Variants in GABRB2 observed in about 807,000 individuals in gnomAD.
GABRB2 encodes the protein gamma-aminobutyric acid type A receptor subunit beta2, also known as gamma-aminobutyric acid receptor subunit beta-2.
Under a neutral mutation model 54.7 loss-of-function variants are expected in GABRB2, and 16 were observed. The observed-to-expected ratio is 0.29, with a 90% CI of 0.20 to 0.44. The LOEUF (loss-of-function observed/expected upper bound fraction) is 0.44, where lower values mean the gene tolerates loss of function less well. Among genes scored for constraint, GABRB2 ranks in the 20% least tolerant of loss-of-function variants. GABRB2 has a pLI of 1.00. For synonymous variants in GABRB2, 244 were observed against 233.8 expected, an observed-to-expected ratio of 1.04 and a Z score of -0.40; for missense variants, 355 against 644.0, an observed-to-expected ratio of 0.55 and a Z score of 4.86.
At chr5:161,436,429 A>T (rs1757309672) in intron 4 of GABRB2, among the ~76,000 whole-genome samples, 1 of 151,594 alleles carries the variant, frequency 6.6e-6, no homozygotes. Flanking sequence ...GCTACTAGGG[A>T]GGCTGAGGCA....
At chr5:161,321,884 G>A (rs1758221536) in intron 9 of GABRB2, among the ~76,000 whole-genome samples, 1 of 152,040 alleles carries the variant, frequency 6.6e-6, no homozygotes, top group African/African-American at 2.4e-5. Context: ...ATACATACCT[G>A]TAAATAAATT....
intron 5 of GABRB2, among the ~76,000 whole-genome samples, chr5:161,340,105 C>T (rs573242960): frequency 1.3e-5 from 2 of 152,082 alleles, no homozygotes; most frequent in African/African-American, 4.8e-5. Context: ...TCAGTATTTA[C>T]CTTCTTTTAT....
At position 161,461,635 on chromosome 5, in the gene GABRB2, C is replaced by T. The variant is rs191201801; in HGVS notation, c.238-1791G>A. ...TATGGGTACAATGTAATTGCTCTCT[C>T]ACCCTCATCTGAATGACTAAGTGAA... On this transcript the variant is annotated intron_variant, in intron 3 of 9. Transcript: ENST00000393959. 9.0e-4 allele frequency among the ~76,000 whole-genome samples: 137 copies of T among 152,278 alleles called. 1 individual carries two copies. The highest frequency in any genetic ancestry group is 3.2e-3 in the African/African-American group (134 of 41,560).
intron 4 of GABRB2, among the ~76,000 whole-genome samples, chr5:161,454,360 T>C (rs905381114): frequency 2.0e-5 from 3 of 152,156 alleles, no homozygotes; most frequent in African/African-American, 7.2e-5. Context: ...CAAGTTTGCA[T>C]CCTCAACACT....
At chr5:161,517,492 A>C (rs556115713) in intron 3 of GABRB2, among the ~76,000 whole-genome samples, 2 of 152,330 alleles carry the variant, frequency 1.3e-5, no homozygotes, top group Admixed American at 1.3e-4. Flanking sequence ...AAGTCAATTG[A>C]GGAAATATAT....
chr5:161,498,449 T>C (rs1759324365), intron 3 of GABRB2, among the ~76,000 whole-genome samples: 1 of 152,156 alleles, frequency 6.6e-6, no homozygotes. Context: ...GTATTTTGGT[T>C]GAACAGCTGT....
intron 9 of GABRB2, among the ~76,000 whole-genome samples, chr5:161,324,848 T>C (rs1409367727): frequency 1.3e-5 from 2 of 152,138 alleles, no homozygotes; most frequent in African/African-American, 4.8e-5. Flanking sequence ...CATATTTTCA[T>C]TGAACATTTT....
chr5:161,339,124 A>G (rs886268724), intron 5 of GABRB2, among the ~76,000 whole-genome samples: 16 of 152,176 alleles, frequency 1.1e-4, no homozygotes, highest in African/African-American at 3.9e-4. Context: ...AACCAGTTCA[A>G]AATAACAAAA....
chr5:161,401,056 A>T (rs545528945), intron 5 of GABRB2, among the ~76,000 whole-genome samples: 4 of 152,290 alleles, frequency 2.6e-5, no homozygotes, highest in Admixed American at 2.0e-4. Context: ...TTCACGGGAA[A>T]GTCTTGACCA....
intron 4 of GABRB2, among the ~76,000 whole-genome samples, chr5:161,412,988 C>G (rs1409061074): frequency 6.6e-6 from 1 of 152,148 alleles, no homozygotes; most frequent in Non-Finnish European, 1.5e-5. Flanking sequence ...TCACTGCAGC[C>G]TCAACCTCCT....
At chr5:161,547,508 T>C (rs987472015), upstream of GABRB2, among the ~76,000 whole-genome samples, 1 of 151,544 alleles carries the variant, frequency 6.6e-6, no homozygotes, top group African/African-American at 2.4e-5. Context: ...GAAGAAAACC[T>C]CGGGGTCCTG....
At chr5:161,307,090 C>A (rs1241746042) in intron 9 of GABRB2, among the ~76,000 whole-genome samples, 1 of 152,174 alleles carries the variant, frequency 6.6e-6, no homozygotes, top group African/African-American at 2.4e-5. Flanking sequence ...CTAATATTTG[C>A]TGCATCATAT....
rs781708750 is a variant in GABRB2, at chr5:161,410,974, C to T, written c.541+1G>A. 6.2e-7 allele frequency: 1 copy of T among 1,611,294 alleles called. No individual in the cohort carries two copies. The highest frequency in any genetic ancestry group is 8.5e-7 in the Non-Finnish European group (1 of 1,177,612). ...CTAGCTGGATTCTCAGAACGACTTA[C>T]AGCTCTCAATTTCCAAGGTGCAGTT... On this transcript the variant is annotated splice_donor_variant, in intron 5 of 9. Coordinates refer to ENST00000393959, the MANE Select transcript of GABRB2 (RefSeq NM_001371727.1). LOFTEE classifies it high-confidence loss of function.
chr5:161,317,047 C>T (rs253014), intron 9 of GABRB2, among the ~76,000 whole-genome samples: 50,052 of 151,904 alleles, frequency 0.33, 9,550 homozygotes, highest in African/African-American at 0.52. Flanking sequence ...GTGTAGTTTG[C>T]ATGTGTGTGG....
intron 3 of GABRB2, among the ~76,000 whole-genome samples, chr5:161,542,717 T>C (rs1581072208): frequency 6.6e-6 from 1 of 152,176 alleles, no homozygotes. Flanking sequence ...AAAGTTACAA[T>C]TACCAGAGAC....
intron 5 of GABRB2, among the ~76,000 whole-genome samples, chr5:161,348,078 C>T (rs985295828): frequency 6.6e-6 from 1 of 152,054 alleles, no homozygotes; most frequent in Non-Finnish European, 1.5e-5. Context: ...TTATAGAGCT[C>T]AGTTTCTATA....
At chr5:161,449,619 G>C (rs886559136) in intron 4 of GABRB2, among the ~76,000 whole-genome samples, 15 of 152,132 alleles carry the variant, frequency 9.9e-5, no homozygotes, top group Non-Finnish European at 2.1e-4. Context: ...TTCAAGGCTT[G>C]AAACAATGGA....
chr5:161,395,726 G>A (rs903929804), intron 5 of GABRB2, among the ~76,000 whole-genome samples: 1 of 151,998 alleles, frequency 6.6e-6, no homozygotes, highest in African/African-American at 2.4e-5. Flanking sequence ...AGAGAAGAGT[G>A]AGTAAAAAAA....
rs1485350762 is a variant in GABRB2 at position 161,294,293 on chromosome 5, T to C, written c.1327A>G (p.Lys443Glu). Residue 443 changes from lysine to glutamate, a missense_variant, in exon 10 of 10, where the codon AAA (lysine) becomes GAA (glutamate). Physicochemically the swap from Lys to Glu is moderately conservative, Grantham distance 56. Coordinates refer to ENST00000393959, the MANE Select transcript of GABRB2 (RefSeq NM_001371727.1). ...AAACTATGCCTGGGCAACCCAGCTT[T>C]CCGATACTGGATGCTGGAGGCATCA... ...AYDASSIQYR[K>E]AGLPRHSFGR... 1 of 1,614,034 alleles carries C rather than the reference T, an allele frequency of 6.2e-7. No homozygotes were observed. The highest frequency in any genetic ancestry group is 8.5e-7 in the Non-Finnish European group (1 of 1,179,998).
Sources: allele counts gnomAD v4.1 joint callset (sites outside exome capture counted in the v4.1 genomes callset), GRCh38; gene constraint gnomAD v4.1.1; transcripts MANE v1.5; gene names NCBI Gene and HGNC (gene_info 2026-07-23, HGNC 2026-07-21).